C8orf34: variants seen among roughly 807,000 people sequenced by gnomAD.
The protein encoded by C8orf34 is chromosome 8 open reading frame 34.
C8orf34 carries 65 observed loss-of-function variants against 68.3 expected under a neutral mutation model. The observed-to-expected ratio is 0.95, with a 90% CI of 0.78 to 1.17. C8orf34 has a LOEUF of 1.17. C8orf34 is among the 50% of genes most tolerant of loss of function. The probability of loss-of-function intolerance (pLI) is 0.00; values close to 1 mark genes in which losing one functional copy is unlikely to be tolerated. For missense variants in C8orf34, 664 were observed against 655.4 expected (o/e 1.01, Z -0.14); for synonymous variants, 244 against 241.2 (o/e 1.01, Z -0.11).
intron 8 of C8orf34, among the ~76,000 whole-genome samples, chr8:68,665,110 T>G (rs2117491): frequency 0.22 from 33,550 of 152,106 alleles, 3,996 homozygotes; most frequent in Middle Eastern, 0.35. Flanking sequence ...ATGACAGAAG[T>G]TTGGGAAAAA....
At chr8:68,768,535 A>G (rs138819479) in intron 10 of C8orf34, among the ~76,000 whole-genome samples, 11 of 152,164 alleles carry the variant, frequency 7.2e-5, no homozygotes, top group African/African-American at 2.6e-4. Flanking sequence ...TCTTTTTTCC[A>G]TACCAACAAT....
chr8:68,422,823 C>A (rs949454957), intron 1 of C8orf34, among the ~76,000 whole-genome samples: 1 of 152,216 alleles, frequency 6.6e-6, no homozygotes, highest in African/African-American at 2.4e-5. Context: ...GAAATCTGGG[C>A]AGAGGTTCCC....
intron 7 of C8orf34, among the ~76,000 whole-genome samples, chr8:68,601,338 T>C (rs184707291): frequency 6.6e-6 from 1 of 152,240 alleles, no homozygotes; most frequent in East Asian, 1.9e-4. Flanking sequence ...ATTCTCTTTT[T>C]TTCTGAGACT....
chr8:68,338,482 T>G (rs956903999), intron 1 of C8orf34, among the ~76,000 whole-genome samples: 2 of 152,194 alleles, frequency 1.3e-5, no homozygotes, highest in Non-Finnish European at 2.9e-5. Context: ...CTTCTGCATC[T>G]TCAGGCAATG....
intron 1 of C8orf34, among the ~76,000 whole-genome samples, chr8:68,374,230 C>T (rs1218511143): frequency 6.6e-6 from 1 of 152,026 alleles, no homozygotes; most frequent in Non-Finnish European, 1.5e-5. Context: ...TTCTTTCTTA[C>T]TATGATTGTA....
At chr8:68,462,597 G>A (rs112548531) in intron 3 of C8orf34, among the ~76,000 whole-genome samples, 2,436 of 151,876 alleles carry the variant, frequency 0.016, 33 homozygotes, top group Non-Finnish European at 0.021. Context: ...CTGTCTCTCA[G>A]ACCACAGTGC....
intron 5 of C8orf34, among the ~76,000 whole-genome samples, chr8:68,503,514 A>G (rs6982892): frequency 0.12 from 18,725 of 152,096 alleles, 1,154 homozygotes; most frequent in East Asian, 0.18. Flanking sequence ...GAACATTTTC[A>G]TAATAAAGAG....
chr8:68,647,750 A>G (rs1009947472), intron 8 of C8orf34, among the ~76,000 whole-genome samples: 1 of 152,210 alleles, frequency 6.6e-6, no homozygotes, highest in Non-Finnish European at 1.5e-5. Context: ...AGAAAAATAG[A>G]AGCTTTTTTT....
chr8:68,524,205 A>G (rs891572711), intron 6 of C8orf34, among the ~76,000 whole-genome samples: 8 of 152,234 alleles, frequency 5.3e-5, no homozygotes, highest in African/African-American at 1.7e-4. Flanking sequence ...ATGATAGGCT[A>G]GAGTTTCACC....
chr8:68,497,007 A>G (rs922791024), intron 5 of C8orf34, among the ~76,000 whole-genome samples: 6 of 152,148 alleles, frequency 3.9e-5, no homozygotes, highest in African/African-American at 1.4e-4. Context: ...TGTAAACTTC[A>G]CTCTAAGTTC....
intron 5 of C8orf34, among the ~76,000 whole-genome samples, chr8:68,492,766 G>A (rs1217722084): frequency 6.6e-6 from 1 of 151,428 alleles, no homozygotes; most frequent in African/African-American, 2.4e-5. Context: ...TCCCTAGTCA[G>A]CCCTGCAGAA....
At chr8:68,679,320 C>G (rs1232047299) in intron 8 of C8orf34, among the ~76,000 whole-genome samples, 1 of 151,118 alleles carries the variant, frequency 6.6e-6, no homozygotes, top group Non-Finnish European at 1.5e-5. Flanking sequence ...AAAACAAAAG[C>G]TATTAATAAA....
intron 8 of C8orf34, among the ~76,000 whole-genome samples, chr8:68,695,351 G>T (rs954940242): frequency 6.6e-6 from 1 of 152,026 alleles, no homozygotes; most frequent in African/African-American, 2.4e-5. Context: ...GTTTCACCTT[G>T]TTGGCCAGGC....
chr8:68,541,612 G>T lies in C8orf34; in HGVS notation c.1105+8463G>T, dbSNP rs145658239. 5.5e-3 allele frequency among the ~76,000 whole-genome samples: 841 copies of T among 152,278 alleles called. 7 individuals carry two copies. Among genetic ancestry groups the T allele is most frequent in the African/African-American group, 0.018 (764 of 41,544 alleles). ...AGACCATAGAAGTTTGGCCTTAGGG[G>T]TTTAAATGCTTAGTCTTATCCTAAA... On this transcript the variant is annotated intron_variant, in intron 7 of 13. Transcript: ENST00000518698.
At chr8:68,566,554 C>T (rs1004051209) in intron 7 of C8orf34, among the ~76,000 whole-genome samples, 2 of 152,186 alleles carry the variant, frequency 1.3e-5, no homozygotes, top group African/African-American at 4.8e-5. Context: ...TTTCCTTAAA[C>T]CTCATGAACC....
intron 1 of C8orf34, among the ~76,000 whole-genome samples, chr8:68,413,200 C>T (rs1437651081): frequency 5.3e-5 from 8 of 152,128 alleles, no homozygotes; most frequent in African/African-American, 1.4e-4. Context: ...CACTATTTCA[C>T]GTTTCCCTTT....
intron 1 of C8orf34, among the ~76,000 whole-genome samples, chr8:68,429,432 G>A (rs766971312): frequency 3.9e-5 from 6 of 152,080 alleles, no homozygotes; most frequent in Non-Finnish European, 8.8e-5. Context: ...AATGCGGGTG[G>A]GAGACAATTG....
chr8:68,635,875 T>A (rs1818825622), intron 7 of C8orf34, among the ~76,000 whole-genome samples: 1 of 152,202 alleles, frequency 6.6e-6, no homozygotes, highest in Non-Finnish European at 1.5e-5. Context: ...AACCTTTAGA[T>A]ATTTGAAGGT....
chr8:68,336,137 G>T (rs1419639785), intron 1 of C8orf34, among the ~76,000 whole-genome samples: 1 of 151,596 alleles, frequency 6.6e-6, no homozygotes, highest in Non-Finnish European at 1.5e-5. Context: ...TCTCTTAAGA[G>T]AATGTGATCA....
Sources: gnomAD v4.1 joint callset for allele counts (sites outside exome capture counted in the v4.1 genomes callset) on GRCh38, gnomAD v4.1.1 for gene constraint, MANE v1.5 for transcripts, NCBI Gene and HGNC (gene_info 2026-07-23, HGNC 2026-07-21) for gene names.